SPIDR: variants seen among roughly 807,000 people sequenced by gnomAD.
SPIDR encodes the protein DNA repair-scaffolding protein.
Under a neutral mutation model 104.6 loss-of-function variants are expected in SPIDR, and 93 were observed. The ratio of observed to expected loss-of-function variants is 0.89; its 90% CI spans 0.75 to 1.06. The LOEUF (loss-of-function observed/expected upper bound fraction) is 1.06, where lower values mean the gene tolerates loss of function less well. Ranked by LOEUF, SPIDR falls within the 50% of genes least tolerant of loss-of-function variation. SPIDR has a pLI of 0.00. For missense variants in SPIDR, 1,154 were observed against 1,111.2 expected (o/e 1.04, Z -0.55); for synonymous variants, 431 against 416.9 (o/e 1.03, Z -0.41).
Position 47,663,094 on chromosome 8 carries a change from G to A in SPIDR, c.1545-10707G>A, listed in dbSNP as rs138220677. Among the ~76,000 whole-genome samples the A allele has an allele frequency of 8.6e-3, 1,306 of 152,212 alleles. 14 individuals are homozygous for A. Among genetic ancestry groups the A allele is most frequent in the African/African-American group, 0.029 (1,197 of 41,530 alleles). On this transcript the variant is annotated intron_variant, in intron 10 of 19. Transcript: ENST00000297423. ...AGCCTCCTTCCAGTTTCTCAGCCAC[G>A]GAAAACCTCTTTCCCGTCCTAGGGT...
intron 8 of SPIDR, among the ~76,000 whole-genome samples, chr8:47,453,469 C>T (rs1554707578): frequency 1.3e-5 from 2 of 152,148 alleles, no homozygotes; most frequent in Non-Finnish European, 2.9e-5. Flanking sequence ...TCAAACTATA[C>T]TACAAGGCTA....
chr8:47,269,720 C>A (rs1273749016), intron 1 of SPIDR, among the ~76,000 whole-genome samples: 1 of 152,164 alleles, frequency 6.6e-6, no homozygotes, highest in Non-Finnish European at 1.5e-5. Context: ...GAAGAGTTGA[C>A]ATCCTTTCTT....
At chr8:47,545,860 A>T (rs952691235) in intron 8 of SPIDR, among the ~76,000 whole-genome samples, 1 of 151,948 alleles carries the variant, frequency 6.6e-6, no homozygotes, top group African/African-American at 2.4e-5. Flanking sequence ...ATTTTTGTCA[A>T]GTGGTTTTTC....
At chr8:47,359,821 A>G (rs1053597173) in intron 5 of SPIDR, among the ~76,000 whole-genome samples, 8 of 152,168 alleles carry the variant, frequency 5.3e-5, no homozygotes, top group African/African-American at 1.9e-4. Flanking sequence ...AAAATGGGAT[A>G]CTTCGTAAGA....
At chr8:47,329,073 A>ATT (rs781881911) in intron 5 of SPIDR, among the ~76,000 whole-genome samples, 40 of 140,940 alleles carry the variant, frequency 2.8e-4, no homozygotes, top group African/African-American at 4.2e-4. Flanking sequence ...TGCCTAGCTA[A>ATT]TTTTTTTTTT....
In SPIDR at chr8:47,713,439, A is replaced by G. The variant is rs780560536; in HGVS notation, c.2189-50A>G. 8.7e-6 allele frequency: 14 copies of G among 1,611,280 alleles called. No individual in the cohort carries two copies. In the Admixed American group the frequency reaches 2.0e-4, roughly 23 times the overall value. ...AAAGGAGACTGCCATTATGGGCACA[A>G]TTCACTTTTTCTTCAAGGCTTCAAT... On this transcript the variant is annotated intron_variant, in intron 15 of 19. Coordinates refer to ENST00000297423, the MANE Select transcript of SPIDR (RefSeq NM_001080394.4).
chr8:47,519,100 A>G (rs2083608692), intron 8 of SPIDR, among the ~76,000 whole-genome samples: 1 of 152,186 alleles, frequency 6.6e-6, no homozygotes, highest in African/African-American at 2.4e-5. Context: ...TAGAGTGGAC[A>G]GTTCTCTGAC....
At chr8:47,449,033 C>T (rs7821542) in intron 8 of SPIDR, among the ~76,000 whole-genome samples, 4,233 of 151,656 alleles carry the variant, frequency 0.028, 210 homozygotes, top group African/African-American at 0.096. Flanking sequence ...TGGAGGATGA[C>T]TGGGGGTGGA....
chr8:47,710,202 T>C (rs543895579), intron 14 of SPIDR, among the ~76,000 whole-genome samples: 19 of 152,190 alleles, frequency 1.2e-4, no homozygotes, highest in Non-Finnish European at 2.4e-4. Flanking sequence ...TTTAGCAGTG[T>C]AGTGGTAGTA....
intron 6 of SPIDR, among the ~76,000 whole-genome samples, chr8:47,405,310 GTGTGTGTGTGTGTATATA>G (rs1362585351): frequency 4.0e-5 from 6 of 151,390 alleles, no homozygotes; most frequent in Non-Finnish European, 7.4e-5. Context: ...GTGTGTGTGT[GTGTGTGTGTGTGTATATA>G]TGTGTGTGTG....
intron 12 of SPIDR, among the ~76,000 whole-genome samples, chr8:47,700,705 T>C (rs1229118544): frequency 6.6e-6 from 1 of 152,248 alleles, no homozygotes; most frequent in East Asian, 1.9e-4. Flanking sequence ...CCTTCCCTAC[T>C]GTGCTGCACA....
At chr8:47,455,416 C>CA (rs2072761361) in intron 8 of SPIDR, among the ~76,000 whole-genome samples, 1 of 149,990 alleles carries the variant, frequency 6.7e-6, no homozygotes, top group African/African-American at 2.5e-5. Context: ...CACACACAGA[C>CA]ACACAAAAAA....
intron 8 of SPIDR, among the ~76,000 whole-genome samples, chr8:47,565,791 T>G (rs1277832570): frequency 2.7e-5 from 4 of 150,502 alleles, no homozygotes; most frequent in African/African-American, 9.7e-5. Context: ...ATTTGCTGTC[T>G]CAAATTATTT....
chr8:47,637,549 G>A (rs1310021900), intron 10 of SPIDR, among the ~76,000 whole-genome samples: 1 of 152,122 alleles, frequency 6.6e-6, no homozygotes, highest in Non-Finnish European at 1.5e-5. Context: ...AAGCCTGGGC[G>A]ACAGAGCAAG....
chr8:47,573,280 T>C (rs888123932), intron 8 of SPIDR, among the ~76,000 whole-genome samples: 8 of 152,276 alleles, frequency 5.3e-5, no homozygotes, highest in South Asian at 2.1e-4. Flanking sequence ...GTTAAAAGTT[T>C]ATGTTTCAAG....
chr8:47,387,898 T>C (rs1173207114), intron 5 of SPIDR, among the ~76,000 whole-genome samples: 1 of 152,200 alleles, frequency 6.6e-6, no homozygotes, highest in African/African-American at 2.4e-5. Context: ...CTGTTAAACC[T>C]GACATTCAAG....
chr8:47,452,653 A>C (rs899052159), intron 8 of SPIDR, among the ~76,000 whole-genome samples: 2 of 152,324 alleles, frequency 1.3e-5, no homozygotes, highest in Admixed American at 1.3e-4. Flanking sequence ...CCTTTGACAA[A>C]ATTCAACAAC....
At chr8:47,724,404 G>C (rs1274407113) in intron 16 of SPIDR, among the ~76,000 whole-genome samples, 1 of 152,202 alleles carries the variant, frequency 6.6e-6, no homozygotes, top group Non-Finnish European at 1.5e-5. Flanking sequence ...CCAGCCACAG[G>C]TCTGCCCACC....
chr8:47,607,900 TGG>T (rs2063153039), intron 10 of SPIDR, among the ~76,000 whole-genome samples: 1 of 148,524 alleles, frequency 6.7e-6, no homozygotes, highest in African/African-American at 2.6e-5. Flanking sequence ...ACTTGACTCA[TGG>T]GGACCTGAAG....
Sources: allele counts gnomAD v4.1 joint callset (sites outside exome capture counted in the v4.1 genomes callset), GRCh38; gene constraint gnomAD v4.1.1; transcripts MANE v1.5; gene names NCBI Gene and HGNC (gene_info 2026-07-23, HGNC 2026-07-21).